Variants in SHLD2 observed in about 807,000 individuals in gnomAD.
SHLD2 encodes RINN1-REV7-interacting novel NHEJ regulator 2.
A neutral mutation model predicts 73.2 loss-of-function variants in SHLD2; 30 were observed. That is an observed-to-expected ratio of 0.41 (90% CI 0.31 to 0.56). The LOEUF (loss-of-function observed/expected upper bound fraction) is 0.56, where lower values mean the gene tolerates loss of function less well. SHLD2 is among the 20% of genes least tolerant of loss of function. The pLI is 0.28. For synonymous variants in SHLD2, 285 were observed against 370.1 expected, an observed-to-expected ratio of 0.77 and a Z score of 2.64; for missense variants, 745 against 1,055.9, an observed-to-expected ratio of 0.71 and a Z score of 4.08.
chr10:87,166,434 G>A (rs1847207909), intron 4 of SHLD2, among the ~76,000 whole-genome samples: 1 of 151,950 alleles, frequency 6.6e-6, no homozygotes. Flanking sequence ...CAAAGTATGT[G>A]CAAGACCTAA....
upstream of SHLD2, chr10:87,094,843 G>A: frequency 1.6e-6 from 2 of 1,216,188 alleles, no homozygotes; most frequent in African/African-American, 1.6e-5. The surrounding 1 kb of genome is among the most constrained non-coding windows in gnomAD (Gnocchi z 6.6). Flanking sequence ...CGACTAGGGA[G>A]GAAGGGTCCC....
At chr10:87,107,683 T>A (rs1240573668) in intron 2 of SHLD2, among the ~76,000 whole-genome samples, 1 of 152,152 alleles carries the variant, frequency 6.6e-6, no homozygotes, top group Non-Finnish European at 1.5e-5. Context: ...GTTGTCCTAG[T>A]GGAGAATGTT....
At chr10:87,145,933 C>T (rs1282053652) in intron 2 of SHLD2, among the ~76,000 whole-genome samples, 1 of 152,094 alleles carries the variant, frequency 6.6e-6, no homozygotes, top group African/African-American at 2.4e-5. Flanking sequence ...ATCAGTTGTC[C>T]ATAACTTTTC....
At chr10:87,172,754 A>G (rs1847677759) in intron 6 of SHLD2, among the ~76,000 whole-genome samples, 1 of 151,970 alleles carries the variant, frequency 6.6e-6, no homozygotes, top group Non-Finnish European at 1.5e-5. Flanking sequence ...AAGTTAATAC[A>G]TAAAAATTTT....
At chr10:87,108,352 T>G (rs989175800) in intron 2 of SHLD2, among the ~76,000 whole-genome samples, 1 of 152,022 alleles carries the variant, frequency 6.6e-6, no homozygotes, top group African/African-American at 2.4e-5. Context: ...TTCAGCCTAA[T>G]TTTTGTATTT....
intron 2 of SHLD2, among the ~76,000 whole-genome samples, chr10:87,103,310 G>C (rs1187008669): frequency 6.6e-6 from 1 of 152,062 alleles, no homozygotes; most frequent in African/African-American, 2.4e-5. Flanking sequence ...TCAAGTGCTA[G>C]TTAATACTTC....
At chr10:87,147,119 A>G (rs556540183) in intron 2 of SHLD2, among the ~76,000 whole-genome samples, 2 of 151,364 alleles carry the variant, frequency 1.3e-5, no homozygotes, top group East Asian at 1.9e-4. Flanking sequence ...TGGATCTCAC[A>G]TTCATCTCAG....
intron 2 of SHLD2, among the ~76,000 whole-genome samples, chr10:87,104,127 C>T (rs941640614): frequency 6.6e-6 from 1 of 150,492 alleles, no homozygotes; most frequent in Non-Finnish European, 1.5e-5. Flanking sequence ...ATCCCAGCTA[C>T]TTGGGAGGCT....
At chr10:87,104,228 C>G (rs1165459627) in intron 2 of SHLD2, among the ~76,000 whole-genome samples, 1 of 139,568 alleles carries the variant, frequency 7.2e-6, no homozygotes, top group Admixed American at 7.3e-5. Context: ...CAGAGCAAGA[C>G]TCCATCTCAA....
At chr10:87,101,647 GC>G (rs1297695504) in intron 2 of SHLD2, among the ~76,000 whole-genome samples, 1 of 152,194 alleles carries the variant, frequency 6.6e-6, no homozygotes, top group Non-Finnish European at 1.5e-5. Flanking sequence ...GGTGGCTCAC[GC>G]CTGTAATCCT....
Position 87,148,566 on chromosome 10 carries a change from C to CG in SHLD2, c.-5-2779dup, listed in dbSNP as rs1694070513. The stretch of plus-strand genomic sequence containing the variant: ...AACAACAAACAAGTTTGTGGGGGGG[C>CG]GGGGGTTGGTTTTATTTTTAAAGAT... On this transcript the variant is annotated intron_variant, in intron 2 of 9. Transcript: ENST00000298786. Among the ~76,000 whole-genome samples, 3 of 114,892 alleles carry CG rather than the reference C, an allele frequency of 2.6e-5. No individual in the cohort carries two copies. The Admixed American group carries it at 3.1e-4, about 12-fold the overall frequency. The allele number at this position is 114,892 out of a possible 152,430, so 75.4% of individuals were successfully genotyped here. A position where few individuals can be genotyped will look rare whatever the true frequency, so the allele number is the denominator to read the frequency against.
chr10:87,160,757 A>C (rs1307890980), intron 4 of SHLD2, among the ~76,000 whole-genome samples: 2 of 152,222 alleles, frequency 1.3e-5, no homozygotes, highest in African/African-American at 4.8e-5. Context: ...TGGGAGGCCA[A>C]GGTGGGCGGA....
chr10:87,151,753 C>G lies in SHLD2; in HGVS notation c.399C>G (p.Thr133=). 3 of 1,611,726 alleles carry G rather than the reference C, an allele frequency of 1.9e-6. No individual in the cohort carries two copies. Among genetic ancestry groups the G allele is most frequent in the Non-Finnish European group, 2.5e-6 (3 of 1,179,810 alleles). The change falls in exon 3 of 10, where the codon ACC becomes ACG. Residue 133 remains threonine, a synonymous_variant. Transcript: ENST00000298786. ...CGFKSTVPHF[T]EEEKYQKLLS... Reference sequence around the variant, plus strand: ...TTAAAAGCACAGTTCCGCATTTCACCGAAGAAGAAAAGTATCAAAAGCTTC... The same window carrying G: ...TTAAAAGCACAGTTCCGCATTTCACGGAAGAAGAAAAGTATCAAAAGCTTC...
intron 2 of SHLD2, among the ~76,000 whole-genome samples, chr10:87,099,521 T>C (rs1842130405): frequency 1.3e-5 from 2 of 152,216 alleles, no homozygotes; most frequent in Non-Finnish European, 2.9e-5. Flanking sequence ...GCTACATAGT[T>C]TTTGTTGTAT....
At chr10:87,178,154 T>G (rs1489357061) in intron 7 of SHLD2, among the ~76,000 whole-genome samples, 2 of 140,134 alleles carry the variant, frequency 1.4e-5, no homozygotes, top group East Asian at 2.1e-4. Context: ...GAAAATTGCT[T>G]GAACGCAGGA....
At chr10:87,139,605 G>T (rs898877962) in intron 2 of SHLD2, among the ~76,000 whole-genome samples, 1 of 152,216 alleles carries the variant, frequency 6.6e-6, no homozygotes, top group African/African-American at 2.4e-5. Flanking sequence ...GGTGACTCAC[G>T]CCTACACACT....
intron 2 of SHLD2, among the ~76,000 whole-genome samples, chr10:87,142,090 G>A (rs1845239846): frequency 6.6e-6 from 1 of 150,938 alleles, no homozygotes; most frequent in Non-Finnish European, 1.5e-5. Flanking sequence ...CAATATGACA[G>A]TTTAAAAAAT....
chr10:87,099,554 C>G (rs535464385), intron 2 of SHLD2, among the ~76,000 whole-genome samples: 4 of 152,332 alleles, frequency 2.6e-5, no homozygotes, highest in East Asian at 3.9e-4. Flanking sequence ...TTTTAAAAAT[C>G]TATTCATCAT....
At chr10:87,161,991 GA>G (rs1846852323) in intron 4 of SHLD2, among the ~76,000 whole-genome samples, 1 of 151,478 alleles carries the variant, frequency 6.6e-6, no homozygotes, top group Admixed American at 6.6e-5. Flanking sequence ...ATATGACAAA[GA>G]TAGTATCTGG....
Sources: gnomAD v4.1 joint callset for allele counts (sites outside exome capture counted in the v4.1 genomes callset) on GRCh38, gnomAD v4.1.1 for gene constraint, Gnocchi (gnomAD v3.1) non-coding constraint, MANE v1.5 for transcripts, NCBI Gene and HGNC (gene_info 2026-07-23, HGNC 2026-07-21) for gene names.